Variants in TRAPPC9 observed in about 807,000 individuals in gnomAD.
TRAPPC9 encodes the protein IKK2 binding protein.
TRAPPC9 carries 83 observed loss-of-function variants against 124.0 expected under a neutral mutation model. The ratio of observed to expected loss-of-function variants is 0.67; its 90% confidence interval spans 0.56 to 0.80. The LOEUF is 0.80. Ranked by LOEUF, TRAPPC9 falls within the 30% of genes least tolerant of loss-of-function variation. The pLI, the probability that TRAPPC9 is intolerant of heterozygous loss-of-function variation, is 0.00. For synonymous variants in TRAPPC9, 638 were observed against 617.5 expected, an observed-to-expected ratio of 1.03 and a Z score of -0.49; for missense variants, 1,302 against 1,508.3, an observed-to-expected ratio of 0.86 and a Z score of 2.27.
chr8:140,197,788 G>A (rs1291201136), intron 17 of TRAPPC9, among the ~76,000 whole-genome samples: 1 of 152,106 alleles, frequency 6.6e-6, no homozygotes, highest in Non-Finnish European at 1.5e-5. Context: ...TTTGTCACGG[G>A]GGAGCCAGCA....
At chr8:139,785,381 C>A (rs771579270) in intron 21 of TRAPPC9, among the ~76,000 whole-genome samples, 3 of 152,150 alleles carry the variant, frequency 2.0e-5, no homozygotes, top group Non-Finnish European at 4.4e-5. Context: ...TTCTTAGATA[C>A]GACACCAAAA....
chr8:139,744,915 G>T (rs894782094), intron 21 of TRAPPC9, among the ~76,000 whole-genome samples: 4 of 152,238 alleles, frequency 2.6e-5, no homozygotes. Context: ...TGTACAGCTT[G>T]GAGTTCTCTC....
At chr8:140,261,655 T>C (rs955692208) in intron 15 of TRAPPC9, among the ~76,000 whole-genome samples, 10 of 151,978 alleles carry the variant, frequency 6.6e-5, no homozygotes, top group African/African-American at 2.4e-4. Flanking sequence ...GTATCAGGAG[T>C]GTACAACTAA....
intron 19 of TRAPPC9, among the ~76,000 whole-genome samples, chr8:139,979,467 T>C (rs912394861): frequency 1.3e-5 from 2 of 152,132 alleles, no homozygotes; most frequent in African/African-American, 4.8e-5. Context: ...CAGCCTGGCG[T>C]CATGGCTCCT....
intron 18 of TRAPPC9, among the ~76,000 whole-genome samples, chr8:140,013,952 A>G (rs1839295939): frequency 6.6e-6 from 1 of 152,220 alleles, no homozygotes; most frequent in Non-Finnish European, 1.5e-5. Context: ...ATACAGGCGC[A>G]TGGGGCTCTC....
intron 7 of TRAPPC9, among the ~76,000 whole-genome samples, chr8:140,384,958 T>C (rs1351606840): frequency 6.6e-6 from 1 of 152,158 alleles, no homozygotes; most frequent in Non-Finnish European, 1.5e-5. Flanking sequence ...ACAGAAATTA[T>C]AACAAACTGT....
intron 17 of TRAPPC9, among the ~76,000 whole-genome samples, chr8:140,028,825 T>A (rs1563702051): frequency 6.6e-6 from 1 of 152,094 alleles, no homozygotes. Flanking sequence ...GGACTACATA[T>A]GCCAGGTGGG....
At chr8:140,036,800 CGTGT>C (rs1423478134) in intron 17 of TRAPPC9, among the ~76,000 whole-genome samples, 3 of 152,090 alleles carry the variant, frequency 2.0e-5, no homozygotes, top group African/African-American at 7.2e-5. Flanking sequence ...TAAGATGCCG[CGTGT>C]GTGTTTACGG....
chr8:140,172,089 T>C (rs1226469289), intron 17 of TRAPPC9, among the ~76,000 whole-genome samples: 1 of 152,202 alleles, frequency 6.6e-6, no homozygotes, highest in Non-Finnish European at 1.5e-5. Context: ...CACTCAAGTA[T>C]GTGCCAACTG....
At position 140,225,104 on chromosome 8, in the gene TRAPPC9, C is replaced by T. The variant is rs60587999; in HGVS notation, c.2432-3521G>A. On this transcript the variant is annotated intron_variant, in intron 16 of 22. Transcript: ENST00000438773. Reference sequence around the variant, plus strand: ...GAAGGATTTATCACAACGCCTGGTACGGGGCAAGCATTCAGTAAAAAGAGC... The same window carrying T: ...GAAGGATTTATCACAACGCCTGGTATGGGGCAAGCATTCAGTAAAAAGAGC... 1.6e-3 allele frequency among the ~76,000 whole-genome samples: 242 copies of T among 152,312 alleles called. 5 individuals are homozygous for T. In the East Asian group the frequency reaches 0.027, roughly 17 times the overall value.
rs550825658 is a variant in TRAPPC9 at position 140,062,552 on chromosome 8, C to A, written c.2557-38473G>T. Reference sequence around the variant, plus strand: ...ACTCCTCAAGGCTCACCTTTGACAGCGCCCTCAGAGACCCTCCTCACTTCC... The same window carrying A: ...ACTCCTCAAGGCTCACCTTTGACAGAGCCCTCAGAGACCCTCCTCACTTCC... On this transcript the variant is annotated intron_variant, in intron 17 of 22. Coordinates refer to ENST00000438773, the MANE Select transcript of TRAPPC9 (RefSeq NM_001160372.4). Among the ~76,000 whole-genome samples, 3 of 152,228 alleles carry A rather than the reference C, an allele frequency of 2.0e-5. No homozygotes were observed. In the East Asian group the frequency reaches 5.8e-4, roughly 29 times the overall value.
Position 139,910,280 on chromosome 8 carries a change from T to G in TRAPPC9, c.2831A>C (p.Lys944Thr). 1 of 1,614,184 alleles carries G rather than the reference T, an allele frequency of 6.2e-7. No individual in the cohort carries two copies. Among genetic ancestry groups the G allele is most frequent in the Non-Finnish European group, 8.5e-7 (1 of 1,180,042 alleles). ...CTCCGGGAAACTCTCAAAGTTGAAC[T>G]TGTCCACTTGAATAGCCATTCTACG... Reference protein sequence around the residue: ...ECQRMAIQVDKFNFESFPESP... With the variant: ...ECQRMAIQVDTFNFESFPESP... Residue 944 changes from lysine to threonine, a missense_variant, in exon 20 of 23, where the codon AAG becomes ACG. Physicochemically the swap from Lys to Thr is moderately conservative, Grantham distance 78 (BLOSUM62 -1). Around this residue, in one of 3 missense-constraint regions of TRAPPC9, gnomAD observed 640 missense variants for 679.3 expected, o/e 0.94. Coordinates refer to ENST00000438773, the MANE Select transcript of TRAPPC9 (RefSeq NM_001160372.4).
chr8:139,861,398 G>T (rs574542933), intron 21 of TRAPPC9, among the ~76,000 whole-genome samples: 56 of 152,286 alleles, frequency 3.7e-4, no homozygotes, highest in Non-Finnish European at 6.3e-4. Flanking sequence ...GGACACTTAG[G>T]AACAGGTAAC....
At chr8:139,863,805 C>A (rs1412976108) in intron 21 of TRAPPC9, among the ~76,000 whole-genome samples, 1 of 152,228 alleles carries the variant, frequency 6.6e-6, no homozygotes, top group African/African-American at 2.4e-5. Flanking sequence ...GAAGCTGCAG[C>A]TAAAAATAGA....
At chr8:139,843,951 A>G (rs1380087071) in intron 21 of TRAPPC9, among the ~76,000 whole-genome samples, 1 of 152,052 alleles carries the variant, frequency 6.6e-6, no homozygotes, top group Admixed American at 6.6e-5. Context: ...CTGGGCCCTC[A>G]CTCCCCATAC....
chr8:140,239,893 G>A (rs950405978), intron 16 of TRAPPC9, among the ~76,000 whole-genome samples: 3 of 152,086 alleles, frequency 2.0e-5, no homozygotes, highest in African/African-American at 7.2e-5. Flanking sequence ...ATAAGACTAC[G>A]AATTCCAAAA....
intron 20 of TRAPPC9, among the ~76,000 whole-genome samples, chr8:139,889,369 T>A (rs910332233): frequency 2.0e-5 from 3 of 151,988 alleles, no homozygotes; most frequent in African/African-American, 4.8e-5. Flanking sequence ...CGGGAGCCAG[T>A]CCCCAGGCAC....
chr8:140,127,432 T>G (rs1012354990), intron 17 of TRAPPC9, among the ~76,000 whole-genome samples: 3 of 152,234 alleles, frequency 2.0e-5, no homozygotes, highest in African/African-American at 7.2e-5. Flanking sequence ...AAACGCATTA[T>G]CATACAGCTC....
At chr8:139,979,603 C>A (rs1836743024) in intron 19 of TRAPPC9, among the ~76,000 whole-genome samples, 1 of 151,914 alleles carries the variant, frequency 6.6e-6, no homozygotes, top group Admixed American at 6.5e-5. Context: ...TAGTAAAGAC[C>A]CCCGGGTGAT....
Sources: allele counts gnomAD v4.1 joint callset (sites outside exome capture counted in the v4.1 genomes callset), GRCh38; gene constraint gnomAD v4.1.1; regional missense constraint gnomAD v4.1.1; transcripts MANE v1.5; gene names NCBI Gene and HGNC (gene_info 2026-07-23, HGNC 2026-07-21).